The following ARID1B variants were observed in gnomAD, a reference collection of about 807,000 sequenced individuals.
The protein encoded by ARID1B is AT-rich interactive domain-containing protein 1B.
ARID1B carries 30 observed loss-of-function variants against 212.3 expected under a neutral mutation model. That is an observed-to-expected ratio of 0.14 (90% CI 0.11 to 0.19). ARID1B has a LOEUF of 0.19. Among genes scored for constraint, ARID1B ranks in the 10% least tolerant of loss-of-function variants. ARID1B has a pLI of 1.00. For missense variants in ARID1B, 2,891 were observed against 3,204.0 expected (o/e 0.90, Z 2.36); for synonymous variants, 1,402 against 1,301.7 (o/e 1.08, Z -1.66).
chr6:156,784,680 G>GT (rs769674383), intron 1 of ARID1B, among the ~76,000 whole-genome samples: 1 of 152,190 alleles, frequency 6.6e-6, no homozygotes, highest in African/African-American at 2.4e-5. Flanking sequence ...TGTTTCCACT[G>GT]TAAGTTTTCA....
chr6:156,800,006 A>G (rs956547838), intron 1 of ARID1B, among the ~76,000 whole-genome samples: 3 of 151,886 alleles, frequency 2.0e-5, no homozygotes, highest in African/African-American at 7.3e-5. Context: ...CACCCCTGCC[A>G]TGGAAAACAC....
At chr6:156,810,722 C>T (rs192112668) in intron 1 of ARID1B, among the ~76,000 whole-genome samples, 1 of 152,260 alleles carries the variant, frequency 6.6e-6, no homozygotes, top group East Asian at 1.9e-4. Context: ...CTTCTGGAAT[C>T]GTGTGTCTTC....
intron 4 of ARID1B, among the ~76,000 whole-genome samples, chr6:156,948,733 A>G (rs1793357636): frequency 6.6e-6 from 1 of 152,258 alleles, no homozygotes; most frequent in Admixed American, 6.5e-5. Context: ...TAAAAAATCA[A>G]ATTATTTCAC....
At chr6:157,120,845 T>C (rs1192015106) in intron 6 of ARID1B, among the ~76,000 whole-genome samples, 1 of 152,230 alleles carries the variant, frequency 6.6e-6, no homozygotes, top group Non-Finnish European at 1.5e-5. Flanking sequence ...GACAATGCTG[T>C]AGTTCTCTGC....
At chr6:156,993,045 C>CTTTTTTT (rs11372694) in intron 4 of ARID1B, among the ~76,000 whole-genome samples, 1 of 135,302 alleles carries the variant, frequency 7.4e-6, no homozygotes, top group Non-Finnish European at 1.6e-5. Flanking sequence ...TATGCTTTCG[C>CTTTTTTT]TTTTTTTTTT....
At chr6:156,863,825 C>T (rs1785499639) in intron 2 of ARID1B, among the ~76,000 whole-genome samples, 1 of 152,088 alleles carries the variant, frequency 6.6e-6, no homozygotes, top group African/African-American at 2.4e-5. Context: ...CTGCACACAG[C>T]TTCTGGGCAT....
chr6:157,187,232 A>T (rs1201753481), intron 13 of ARID1B, among the ~76,000 whole-genome samples: 1 of 152,212 alleles, frequency 6.6e-6, no homozygotes, highest in Non-Finnish European at 1.5e-5. Context: ...GGAAGGGACC[A>T]GGCTGGGAGA....
chr6:156,834,640 A>G (rs938950163), intron 2 of ARID1B, among the ~76,000 whole-genome samples: 2 of 152,244 alleles, frequency 1.3e-5, no homozygotes, highest in Non-Finnish European at 2.9e-5. Flanking sequence ...AAATTTCACT[A>G]TGTTGTTTAC....
chr6:156,807,048 C>T (rs138233241), intron 1 of ARID1B, among the ~76,000 whole-genome samples: 16 of 152,172 alleles, frequency 1.1e-4, no homozygotes, highest in East Asian at 1.9e-4. Flanking sequence ...AAAAACCAAG[C>T]GGTGGACCAG....
intron 4 of ARID1B, chr6:157,023,496 A>G (rs1350508913): frequency 6.6e-6 from 1 of 152,226 alleles, no homozygotes; most frequent in Non-Finnish European, 1.5e-5. Context: ...AACTGGAGCA[A>G]TTTGGAAACA....
chr6:157,053,052 G>A (rs1287515383), intron 4 of ARID1B, among the ~76,000 whole-genome samples: 1 of 151,570 alleles, frequency 6.6e-6, no homozygotes, highest in Non-Finnish European at 1.5e-5. Context: ...ATTTACAACA[G>A]TGCAAAATAT....
intron 11 of ARID1B, among the ~76,000 whole-genome samples, chr6:157,180,214 CTT>C (rs1380239258): frequency 1.3e-5 from 2 of 152,122 alleles, no homozygotes; most frequent in African/African-American, 4.8e-5. Context: ...AACGGCAACT[CTT>C]GATATTTTAG....
At chr6:156,878,217 T>C (rs1378568287) in intron 2 of ARID1B, among the ~76,000 whole-genome samples, 2 of 152,102 alleles carry the variant, frequency 1.3e-5, no homozygotes, top group Non-Finnish European at 2.9e-5. Flanking sequence ...CATTTCAAGG[T>C]ACCATTTTAC....
chr6:156,782,304 C>T (rs1779336917), intron 1 of ARID1B, among the ~76,000 whole-genome samples: 1 of 151,772 alleles, frequency 6.6e-6, no homozygotes, highest in Non-Finnish European at 1.5e-5. Flanking sequence ...GAAATAGTTT[C>T]TATTGGGTGG....
At chr6:157,087,956 C>T (rs1017879182) in intron 5 of ARID1B, among the ~76,000 whole-genome samples, 5 of 152,198 alleles carry the variant, frequency 3.3e-5, no homozygotes, top group African/African-American at 1.2e-4. Context: ...ACACTTAGCC[C>T]CTGCTTCTCT....
At chr6:157,076,590 G>T (rs1173558930) in intron 4 of ARID1B, among the ~76,000 whole-genome samples, 1 of 150,482 alleles carries the variant, frequency 6.6e-6, no homozygotes, top group Non-Finnish European at 1.5e-5. Context: ...GCTAAGCATT[G>T]TACTTCTAAG....
At chr6:156,859,466 G>A (rs1258157564) in intron 2 of ARID1B, among the ~76,000 whole-genome samples, 2 of 152,066 alleles carry the variant, frequency 1.3e-5, no homozygotes, top group Admixed American at 6.6e-5. Context: ...GGGAGAGTTC[G>A]CCTTCCCTTA....
At chr6:156,979,674 C>T (rs879495594) in intron 4 of ARID1B, among the ~76,000 whole-genome samples, 2 of 152,060 alleles carry the variant, frequency 1.3e-5, no homozygotes, top group Admixed American at 1.3e-4. Context: ...TCTCCTACCC[C>T]AGCCTCCTGA....
intron 8 of ARID1B, among the ~76,000 whole-genome samples, chr6:157,155,228 C>G (rs1232286222): frequency 6.6e-6 from 1 of 152,154 alleles, no homozygotes; most frequent in Admixed American, 6.5e-5. Context: ...GTCCTTTTCA[C>G]CATTTGAGGC....
Sources: gnomAD v4.1 joint callset for allele counts (sites outside exome capture counted in the v4.1 genomes callset) on GRCh38, gnomAD v4.1.1 for gene constraint, MANE v1.5 for transcripts, NCBI Gene and HGNC (gene_info 2026-07-23, HGNC 2026-07-21) for gene names.